The following ZNF90 variants were observed in gnomAD, a reference collection of about 807,000 sequenced individuals.
The protein encoded by ZNF90 is zinc finger protein HTF9.
A neutral mutation model predicts 12.0 loss-of-function variants in ZNF90; 11 were observed. The observed-to-expected ratio is 0.92, with a 90% CI of 0.58 to 1.52. ZNF90 has a LOEUF of 1.52. ZNF90 is among the 40% of genes most tolerant of loss of function. The pLI, the probability that ZNF90 is intolerant of heterozygous loss-of-function variation, is 0.00. For missense variants in ZNF90, 765 were observed against 711.5 expected, an observed-to-expected ratio of 1.08 and a Z score of -0.86; for synonymous variants, 232 against 240.1, an observed-to-expected ratio of 0.97 and a Z score of 0.31.
At chr19:20,112,987 T>G (rs2089102965) in intron 3 of ZNF90, among the ~76,000 whole-genome samples, 1 of 152,188 alleles carries the variant, frequency 6.6e-6, no homozygotes, top group African/African-American at 2.4e-5. Flanking sequence ...TTTGATTTTT[T>G]TGTTTATAAT....
intron 1 of ZNF90, chr19:20,087,320 T>C (rs1158646468): frequency 2.0e-5 from 3 of 152,398 alleles, no homozygotes; most frequent in Non-Finnish European, 1.5e-5. Flanking sequence ...AATGTTTTTC[T>C]CTCCAATGCT....
chr19:20,100,076 G>A (rs1555703698), intron 1 of ZNF90, among the ~76,000 whole-genome samples: 1 of 152,138 alleles, frequency 6.6e-6, no homozygotes. Flanking sequence ...ATTATAGAAA[G>A]ACCCCTAGTA....
intron 1 of ZNF90, among the ~76,000 whole-genome samples, chr19:20,089,553 T>A (rs1225801300): frequency 6.6e-6 from 1 of 151,994 alleles, no homozygotes; most frequent in African/African-American, 2.4e-5. Context: ...TGCGGAGAGA[T>A]ACATAAAGGA....
intron 1 of ZNF90, among the ~76,000 whole-genome samples, chr19:20,099,180 CT>C (rs111955434): frequency 1.3e-3 from 188 of 146,550 alleles, no homozygotes; most frequent in Middle Eastern, 3.5e-3. Context: ...TATTATTATG[CT>C]TTTTTTTTTT....
intron 3 of ZNF90, among the ~76,000 whole-genome samples, chr19:20,112,917 A>T (rs1555705285): frequency 6.6e-6 from 1 of 151,938 alleles, no homozygotes; most frequent in South Asian, 2.1e-4. Flanking sequence ...CTTTTTTTGC[A>T]ATTTAATATT....
intron 3 of ZNF90, among the ~76,000 whole-genome samples, chr19:20,114,775 C>A (rs1275956642): frequency 6.6e-6 from 1 of 151,580 alleles, no homozygotes; most frequent in African/African-American, 2.4e-5. Flanking sequence ...GTTCTCTATA[C>A]CTTCATTAGA....
intron 1 of ZNF90, chr19:20,080,233 A>G: frequency 1.7e-6 from 1 of 582,592 alleles, no homozygotes; most frequent in Non-Finnish European, 3.4e-6. Flanking sequence ...GCTGTTGATG[A>G]GCACGATGCA....
In ZNF90 at chr19:20,091,823, ATGCG is replaced by A. The variant is rs542637857; in HGVS notation, c.4-12414_4-12411del. ...ATATTTAGAATCAGTATAGATATTGATGCGTAGTCCTTTTGCAAGAGTGAGGGCT... is the reference window on the plus strand; with the variant it reads ...ATATTTAGAATCAGTATAGATATTGATAGTCCTTTTGCAAGAGTGAGGGCT... On this transcript the variant is annotated intron_variant, in intron 1 of 3. Transcript: ENST00000418063. 2.2e-3 allele frequency among the ~76,000 whole-genome samples: 342 copies of A among 152,348 alleles called. 2 individuals carry two copies. Among genetic ancestry groups the A allele is most frequent in the Non-Finnish European group, 4.5e-3 (305 of 68,030 alleles).
Position 20,078,303 on chromosome 19 carries a change from CG to C in ZNF90, c.3+169del, listed in dbSNP as rs919645478. On this transcript the variant is annotated intron_variant, in intron 1 of 3. Coordinates refer to ENST00000418063, the MANE Select transcript of ZNF90 (RefSeq NM_007138.2). ...CCCTTCAGCCATAAGATGGCAACAGCGCCGACAGCCGGGCCCCGCGGCGTCC... is the reference window on the plus strand; with the variant it reads ...CCCTTCAGCCATAAGATGGCAACAGCCCGACAGCCGGGCCCCGCGGCGTCC... Among the ~76,000 whole-genome samples, 61 of 152,302 alleles carry C rather than the reference CG, an allele frequency of 4.0e-4. 1 individual carries two copies. Among genetic ancestry groups the C allele is most frequent in the Admixed American group, 2.9e-3 (44 of 15,304 alleles).
At position 20,078,147 on chromosome 19, in the gene ZNF90, T is replaced by A. The variant is rs1023916789; in HGVS notation, c.3+12T>A. 5 of 1,613,992 alleles carry A rather than the reference T, an allele frequency of 3.1e-6. No homozygotes were observed. Among genetic ancestry groups the A allele is most frequent in the Non-Finnish European group, 4.2e-6 (5 of 1,180,008 alleles). ...GAAGCCTAGAAATGGTGAGAGTGCCTTTCCAGCATTCCGAGAGAGGGGAGG... is the reference window on the plus strand; with the variant it reads ...GAAGCCTAGAAATGGTGAGAGTGCCATTCCAGCATTCCGAGAGAGGGGAGG... On this transcript the variant is annotated intron_variant, in intron 1 of 3. Transcript: ENST00000418063.
Position 20,119,424 on chromosome 19 carries a change from ATGACT to A in ZNF90, c.*65_*69del. ...ACTGGAGAGAAACCGTATAAATGTG[ATGACT>A]GTTGGAAAGCCTTTGACCACCCCTC... On this transcript the variant is annotated 3_prime_UTR_variant, in exon 4 of 4. Coordinates refer to ENST00000418063, the MANE Select transcript of ZNF90 (RefSeq NM_007138.2). The A allele has an allele frequency of 7.0e-7, 1 of 1,432,116 alleles. No homozygotes were observed. The highest frequency in any genetic ancestry group is 2.5e-5 in the East Asian group (1 of 40,514). The allele number at this position is 1,432,116 out of a possible 1,614,324, so 88.7% of individuals were successfully genotyped here. A position where few individuals can be genotyped will look rare whatever the true frequency, so the allele number is the denominator to read the frequency against.
intron 1 of ZNF90, among the ~76,000 whole-genome samples, chr19:20,100,191 C>G (rs1568286897): frequency 6.6e-6 from 1 of 152,078 alleles, no homozygotes; most frequent in African/African-American, 2.4e-5. Flanking sequence ...GGCTAGCCAC[C>G]AAAGAAGGAA....
chr19:20,119,622 CT>C lies in ZNF90; in HGVS notation c.*277del, dbSNP rs375392718. 20,496 of 231,722 alleles carry C rather than the reference CT, an allele frequency of 0.088. 3 individuals are homozygous for C. Among genetic ancestry groups the C allele is most frequent in the South Asian group, 0.17 (2,196 of 13,258 alleles). The allele number at this position is 231,722 out of a possible 1,614,324, so 14.4% of individuals were successfully genotyped here. On this transcript the variant is annotated 3_prime_UTR_variant, in exon 4 of 4. Coordinates refer to ENST00000418063, the MANE Select transcript of ZNF90 (RefSeq NM_007138.2). ...CAAAGCCTATAACAAGTTCTCAATTCTTTTTTTTTTTTTTTAAGAAGGAGTT... is the reference window on the plus strand; with the variant it reads ...CAAAGCCTATAACAAGTTCTCAATTCTTTTTTTTTTTTTTAAGAAGGAGTT...
At chr19:20,110,733 T>C (rs1555705013) in intron 3 of ZNF90, among the ~76,000 whole-genome samples, 1 of 152,180 alleles carries the variant, frequency 6.6e-6, no homozygotes, top group East Asian at 1.9e-4. Context: ...TTCTAATGGG[T>C]GTGAGGTGAT....
chr19:20,088,939 C>T (rs1481050955), intron 1 of ZNF90, among the ~76,000 whole-genome samples: 1 of 152,116 alleles, frequency 6.6e-6, no homozygotes, highest in Non-Finnish European at 1.5e-5. Flanking sequence ...GCTCTTCGGT[C>T]CTATTTGCAA....
At chr19:20,083,736 T>C (rs1414985989) in intron 1 of ZNF90, among the ~76,000 whole-genome samples, 1 of 152,256 alleles carries the variant, frequency 6.6e-6, no homozygotes, top group African/African-American at 2.4e-5. Context: ...TTATGTATCA[T>C]ATTTTGTTTT....
At chr19:20,078,980 G>A (rs1019244616) in intron 1 of ZNF90, among the ~76,000 whole-genome samples, 1 of 152,094 alleles carries the variant, frequency 6.6e-6, no homozygotes, top group African/African-American at 2.4e-5. Flanking sequence ...TTAGCCTGGA[G>A]TGGTGCCAAG....
Position 20,119,674 on chromosome 19 carries a change from G to A in ZNF90, c.*314G>A, listed in dbSNP as rs2089179488. 1 of 234,022 alleles carries A rather than the reference G, an allele frequency of 4.3e-6. No individual in the cohort carries two copies. Among genetic ancestry groups the A allele is most frequent in the Non-Finnish European group, 8.3e-6 (1 of 120,960 alleles). 14.5% of individuals were successfully genotyped at this position (234,022 alleles called of 1,614,324 possible). A position where few individuals can be genotyped will look rare whatever the true frequency, so the allele number is the denominator to read the frequency against. On this transcript the variant is annotated 3_prime_UTR_variant, in exon 4 of 4. Coordinates refer to ENST00000418063, the MANE Select transcript of ZNF90 (RefSeq NM_007138.2). ...TCATGCTTCTCACCCAGCCTGGAGT[G>A]CAATGGCACGATCTCTGCTCACTGC...
Position 20,118,292 on chromosome 19 carries a change from A to C in ZNF90, c.738A>C (p.Ala246=), listed in dbSNP as rs2089159695. Reference sequence around the variant, plus strand: ...TAAAGTATTCCTCTACCCTTACTGCACATAAGAGAATTCATACTGGAGAGA... The same window carrying C: ...TAAAGTATTCCTCTACCCTTACTGCCCATAAGAGAATTCATACTGGAGAGA... The part of the protein sequence containing the change: ...KELKYSSTLT[A]HKRIHTGEKR... Residue 246 remains alanine, a synonymous_variant, in exon 4 of 4, where the codon GCA becomes GCC. Coordinates refer to ENST00000418063, the MANE Select transcript of ZNF90 (RefSeq NM_007138.2). 6.4e-7 allele frequency: 1 copy of C among 1,562,150 alleles called. No individual in the cohort carries two copies. Among genetic ancestry groups the C allele is most frequent in the African/African-American group, 1.4e-5 (1 of 73,268 alleles).
Sources: gnomAD v4.1 joint callset for allele counts (sites outside exome capture counted in the v4.1 genomes callset) on GRCh38, gnomAD v4.1.1 for gene constraint, MANE v1.5 for transcripts, NCBI Gene and HGNC (gene_info 2026-07-23, HGNC 2026-07-21) for gene names.